The following ARHGEF10 variants were observed in gnomAD, a reference collection of about 807,000 sequenced individuals.
The protein encoded by ARHGEF10 is Rho guanine nucleotide exchange factor 10.
Under a neutral mutation model 147.4 loss-of-function variants are expected in ARHGEF10, and 140 were observed. The ratio of observed to expected loss-of-function variants is 0.95; its 90% CI spans 0.83 to 1.09. The LOEUF (loss-of-function observed/expected upper bound fraction) is 1.09, where lower values mean the gene tolerates loss of function less well. Among genes scored for constraint, ARHGEF10 ranks in the 50% least tolerant of loss-of-function variants. The pLI is 0.00. For synonymous variants in ARHGEF10, 902 were observed against 695.8 expected (o/e 1.30, Z -4.67); for missense variants, 2,222 against 1,752.7 (o/e 1.27, Z -4.78).
chr8:1,836,329 G>C (rs1390509382), intron 1 of ARHGEF10, among the ~76,000 whole-genome samples: 25 of 152,214 alleles, frequency 1.6e-4, no homozygotes, highest in Admixed American at 1.6e-3. Flanking sequence ...CCTGGGGATA[G>C]AGTGTTTTGA....
chr8:1,917,769 C>G (rs1252005779), intron 18 of ARHGEF10, among the ~76,000 whole-genome samples: 1 of 150,182 alleles, frequency 6.7e-6, no homozygotes, highest in African/African-American at 2.5e-5. Flanking sequence ...CTTTCTTTTT[C>G]TTTTCTTTTC....
rs181354365 is a variant in ARHGEF10, at chr8:1,857,632, C to A, written c.38-328C>A. Among the ~76,000 whole-genome samples, 697 of 152,082 alleles carry A rather than the reference C, an allele frequency of 4.6e-3. 5 individuals carry two copies. Among genetic ancestry groups the A allele is most frequent in the African/African-American group, 0.015 (617 of 41,464 alleles). ...ATGGGGTTTCACCATGTTGGCCAGG[C>A]TGGTCTCAAGCTTCTTACCTTGTGA... On this transcript the variant is annotated intron_variant, in intron 2 of 28. Transcript: ENST00000349830.
At chr8:1,951,515 T>TG (rs1015681718) in intron 27 of ARHGEF10, among the ~76,000 whole-genome samples, 1 of 152,194 alleles carries the variant, frequency 6.6e-6, no homozygotes, top group Non-Finnish European at 1.5e-5. Context: ...TTTTTTGTTT[T>TG]GGGGGAGGCT....
intron 11 of ARHGEF10, among the ~76,000 whole-genome samples, chr8:1,891,538 G>T (rs1398756819): frequency 6.6e-6 from 1 of 152,174 alleles, no homozygotes; most frequent in Non-Finnish European, 1.5e-5. Context: ...AGGAAGGTCA[G>T]GCTGGGCCAG....
At chr8:1,955,761 CTG>C (rs1442895088) in intron 28 of ARHGEF10, among the ~76,000 whole-genome samples, 33 of 152,374 alleles carry the variant, frequency 2.2e-4, no homozygotes, top group Admixed American at 1.9e-3. Context: ...CATCAAGCCT[CTG>C]TATATTTGTG....
rs2129300194 is a variant in ARHGEF10, at chr8:1,958,230, C to G, written c.*967C>G. 1 of 152,394 alleles carries G rather than the reference C, an allele frequency of 6.6e-6. No homozygotes were observed. 9.4% of individuals were successfully genotyped at this position (152,394 alleles called of 1,614,324 possible). On this transcript the variant is annotated 3_prime_UTR_variant, in exon 29 of 29. Coordinates refer to ENST00000349830, the MANE Select transcript of ARHGEF10 (RefSeq NM_014629.4). ...TGCTGGCTGCTGTCACTGAGCGGGACTCAGGCCAAGAGGCGTGACCTCGGG... is the reference window on the plus strand; with the variant it reads ...TGCTGGCTGCTGTCACTGAGCGGGAGTCAGGCCAAGAGGCGTGACCTCGGG...
intron 8 of ARHGEF10, among the ~76,000 whole-genome samples, chr8:1,877,166 G>T (rs1198499018): frequency 6.6e-6 from 1 of 152,216 alleles, no homozygotes; most frequent in Non-Finnish European, 1.5e-5. Flanking sequence ...AAAGGAAGAC[G>T]TAAAAATAGA....
intron 16 of ARHGEF10, among the ~76,000 whole-genome samples, chr8:1,905,116 G>A (rs140822904): frequency 4.3e-4 from 65 of 152,226 alleles, no homozygotes; most frequent in African/African-American, 1.3e-3. Flanking sequence ...GTAACAGAGC[G>A]AGGCTTGGTC....
intron 1 of ARHGEF10, 65 bp from the exon 2 acceptor site, chr8:1,843,288 C>G (rs1297687910): frequency 7.7e-7 from 1 of 1,303,194 alleles, no homozygotes; most frequent in African/African-American, 1.5e-5. Flanking sequence ...GTCGACAGCC[C>G]TACACCTATT....
At chr8:1,882,587 G>C (rs1368571794) in intron 9 of ARHGEF10, 48 bp from the exon 10 acceptor site, 5 of 1,458,986 alleles carry the variant, frequency 3.4e-6, no homozygotes, top group Admixed American at 2.0e-5. Context: ...GAAAGTCGCA[G>C]GTGGGTTCTG....
intron 1 of ARHGEF10, among the ~76,000 whole-genome samples, chr8:1,841,835 G>GAGGCGCCGAACC (rs1563161322): frequency 1.7e-4 from 16 of 94,040 alleles, no homozygotes; most frequent in Admixed American, 1.2e-3. Context: ...CTGGGGCCGC[G>GAGGCGCCGAACC]ACGGGAACTG....
chr8:1,903,499 G>T (rs1337924113), intron 16 of ARHGEF10, 48 bp downstream of exon 16: 2 of 1,605,376 alleles, frequency 1.2e-6, no homozygotes, highest in East Asian at 2.2e-5. Flanking sequence ...TTTTTGCTTT[G>T]TGCTAATAAG....
At chr8:1,912,545 G>A (rs1033751156) in intron 18 of ARHGEF10, among the ~76,000 whole-genome samples, 135 of 110,278 alleles carry the variant, frequency 1.2e-3, no homozygotes, top group African/African-American at 1.8e-3. Context: ...TTTGCTGTCC[G>A]ATGTTAGATT....
rs1563137346 is a variant in ARHGEF10 at position 1,824,012 on chromosome 8, G to A, written c.-149G>A. On this transcript the variant is annotated 5_prime_UTR_variant, in exon 1 of 29. Coordinates refer to ENST00000349830, the MANE Select transcript of ARHGEF10 (RefSeq NM_014629.4). Reference sequence around the variant, plus strand: ...GGACGCGGGGGACGCGGGGGACGGCGGGGAACGGCGGGGGACGGCGGGGAA... The same window carrying A: ...GGACGCGGGGGACGCGGGGGACGGCAGGGAACGGCGGGGGACGGCGGGGAA... 3 of 121,144 alleles carry A rather than the reference G, an allele frequency of 2.5e-5. No individual in the cohort carries two copies. The highest frequency in any genetic ancestry group is 3.1e-4 in the South Asian group (1 of 3,260). 7.5% of individuals were successfully genotyped at this position (121,144 alleles called of 1,614,324 possible). A position where few individuals can be genotyped will look rare whatever the true frequency, so the allele number is the denominator to read the frequency against.
At chr8:1,870,959 A>G (rs1449807740) in intron 7 of ARHGEF10, 1 of 152,050 alleles carries the variant, frequency 6.6e-6, no homozygotes, top group East Asian at 1.9e-4. Context: ...CTAAAAATAC[A>G]AAAATTAGAC....
At chr8:1,911,498 G>C (rs531618060) in intron 18 of ARHGEF10, among the ~76,000 whole-genome samples, 1 of 152,206 alleles carries the variant, frequency 6.6e-6, no homozygotes, top group Non-Finnish European at 1.5e-5. Context: ...TGTGTCTGAA[G>C]ATAGAACTCA....
intron 1 of ARHGEF10, among the ~76,000 whole-genome samples, chr8:1,826,384 TTGTG>T (rs1802770253): frequency 6.6e-6 from 1 of 151,690 alleles, no homozygotes; most frequent in Admixed American, 6.6e-5. Flanking sequence ...GTGTGTGCGT[TTGTG>T]TGTGCGTGTG....
intron 14 of ARHGEF10, among the ~76,000 whole-genome samples, chr8:1,897,286 G>T (rs62477558): frequency 6.6e-6 from 1 of 151,820 alleles, no homozygotes; most frequent in Non-Finnish European, 1.5e-5. Flanking sequence ...GGCGGCTCCT[G>T]CTCCTCCTGG....
At position 1,894,733 on chromosome 8, in the gene ARHGEF10, T is replaced by C. The variant is rs566046382; in HGVS notation, c.1440+161T>C. Among the ~76,000 whole-genome samples the C allele has an allele frequency of 2.3e-4, 35 of 152,294 alleles. No individual in the cohort carries two copies. In the South Asian group the frequency reaches 7.3e-3, roughly 32 times the overall value. On this transcript the variant is annotated intron_variant, in intron 13 of 28. Coordinates refer to ENST00000349830, the MANE Select transcript of ARHGEF10 (RefSeq NM_014629.4). Reference sequence around the variant, plus strand: ...AGTTGCAATGCCCTGGCCAAGCGTGTGCGCTAGGGAAATGATAAATGGATC... The same window carrying C: ...AGTTGCAATGCCCTGGCCAAGCGTGCGCGCTAGGGAAATGATAAATGGATC...
Sources: allele counts gnomAD v4.1 joint callset (sites outside exome capture counted in the v4.1 genomes callset), GRCh38; gene constraint gnomAD v4.1.1; transcripts MANE v1.5; gene names NCBI Gene and HGNC (gene_info 2026-07-23, HGNC 2026-07-21).